Variants in TCTN1 observed in about 807,000 individuals in gnomAD.
TCTN1 encodes tectonic family member 1.
Under a neutral mutation model 65.8 loss-of-function variants are expected in TCTN1, and 58 were observed. The observed-to-expected ratio is 0.88, with a 90% CI of 0.71 to 1.10. The LOEUF is 1.10. Ranked by LOEUF, TCTN1 falls within the 50% of genes least tolerant of loss-of-function variation. The pLI, the probability that TCTN1 is intolerant of heterozygous loss-of-function variation, is 0.00. For missense variants in TCTN1, 645 were observed against 719.4 expected (o/e 0.90, Z 1.18); for synonymous variants, 273 against 289.1 (o/e 0.94, Z 0.57).
rs2067211804 is a variant in TCTN1 at position 110,645,134 on chromosome 12, A to T, written c.1494+5A>T. The stretch of plus-strand genomic sequence containing the variant: ...ACCCAGTCATTCAACAGGAAGGTAA[A>T]GGGGAGAAGGTACAGGTTCCATGCT... On this transcript the variant is annotated splice_donor_5th_base_variant and intron_variant, in intron 12 of 14. Transcript: ENST00000397659. 6.2e-7 allele frequency: 1 copy of T among 1,613,840 alleles called. No homozygotes were observed. The highest frequency in any genetic ancestry group is 8.5e-7 in the Non-Finnish European group (1 of 1,179,928).
chr12:110,646,420 T>TCAGA (rs1475523001), intron 12 of TCTN1: 2 of 151,908 alleles, frequency 1.3e-5, no homozygotes, highest in Admixed American at 6.6e-5. Flanking sequence ...TGAAAAAATG[T>TCAGA]CAGACACACA....
intron 1 of TCTN1, among the ~76,000 whole-genome samples, chr12:110,618,345 A>G (rs1473736369): frequency 6.6e-6 from 1 of 151,884 alleles, no homozygotes; most frequent in Non-Finnish European, 1.5e-5. Flanking sequence ...GGTTCACGCC[A>G]TTCTCCCGCC....
At chr12:110,615,803 C>T (rs2064997339) in intron 1 of TCTN1, among the ~76,000 whole-genome samples, 1 of 152,104 alleles carries the variant, frequency 6.6e-6, no homozygotes. Context: ...TTAAGAAGAT[C>T]TTTTCTCAAA....
At chr12:110,616,970 C>T (rs1472366935) in intron 1 of TCTN1, 1 of 152,216 alleles carries the variant, frequency 6.6e-6, no homozygotes, top group African/African-American at 2.4e-5. Flanking sequence ...GGCTCAACAG[C>T]TACTTGGTGG....
At chr12:110,624,278 C>T (rs959486694) in intron 2 of TCTN1, among the ~76,000 whole-genome samples, 1 of 151,924 alleles carries the variant, frequency 6.6e-6, no homozygotes, top group East Asian at 1.9e-4. Flanking sequence ...TGCAGTGACA[C>T]GATCATAGCT....
Position 110,614,392 on chromosome 12 carries a change from A to G in TCTN1, c.210A>G (p.Pro70=), listed in dbSNP as rs2135830156. Residue 70 remains proline, a synonymous_variant, in exon 1 of 15, where the codon CCA becomes CCG. Transcript: ENST00000397659. ...CCTCCTCCGGCCCCAGGCCTACCCC[A>G]GTCACGGACGGTGGGTACCATGTGC... ...PGPSSGPRPT[P]VTDVAVLCVC... 6.3e-7 allele frequency: 1 copy of G among 1,598,444 alleles called. No individual in the cohort carries two copies. The highest frequency in any genetic ancestry group is 1.3e-5 in the African/African-American group (1 of 74,856).
chr12:110,614,521 G>A, intron 1 of TCTN1, 119 bp downstream of exon 1: 2 of 1,524,412 alleles, frequency 1.3e-6, no homozygotes, highest in Non-Finnish European at 1.8e-6. Flanking sequence ...TGCAGACACT[G>A]CTGAGTGTTC....
chr12:110,628,824 C>G lies in TCTN1; in HGVS notation c.530C>G (p.Thr177Arg). 1 of 1,612,766 alleles carries G rather than the reference C, an allele frequency of 6.2e-7. No individual in the cohort carries two copies. Among genetic ancestry groups the G allele is most frequent in the Non-Finnish European group, 8.5e-7 (1 of 1,179,134 alleles). ...PEVPDENNFDTLMKTSDGFTL... is the reference protein window; with the variant it reads ...PEVPDENNFDRLMKTSDGFTL... ...GTACCTGATGAAAACAATTTTGATA[C>G]ATTGATGAAAACATCTGATGGTTTT... The change falls in exon 4 of 15, where the codon ACA becomes AGA. Residue 177 changes from threonine (T) to arginine (R), a missense_variant. Transcript: ENST00000397659.
rs897149419 is a variant in TCTN1 at position 110,639,779 on chromosome 12, C to T, written c.844-604C>T. Among the ~76,000 whole-genome samples the T allele has an allele frequency of 6.6e-6, 1 of 152,120 alleles. No individual in the cohort carries two copies. Among genetic ancestry groups the T allele is most frequent in the Non-Finnish European group, 1.5e-5 (1 of 68,024 alleles). ...ATCACCACTAATTCCGGAACATTTC[C>T]ATCACCCCAAAAAGGAGCCTTGTGT... On this transcript the variant is annotated intron_variant, in intron 7 of 14. Coordinates refer to ENST00000397659, the MANE Select transcript of TCTN1 (RefSeq NM_001082538.3). The surrounding 1 kb of genome is among the most constrained non-coding windows in gnomAD (Gnocchi z 4.9).
At chr12:110,622,708 G>A (rs1391770160) in intron 2 of TCTN1, among the ~76,000 whole-genome samples, 2 of 152,108 alleles carry the variant, frequency 1.3e-5, no homozygotes, top group Non-Finnish European at 2.9e-5. Context: ...GTAGGAAAGA[G>A]ATCAGGGGTC....
In TCTN1 at chr12:110,639,174, T is replaced by A. The variant is rs918989078; in HGVS notation, c.844-1209T>A. On this transcript the variant is annotated intron_variant, in intron 7 of 14. Transcript: ENST00000397659. This position sits in a 1 kb window ranked among gnomAD's most constrained non-coding sequence, Gnocchi z 4.9. ...GCAAGTTCAAAGTGGTATAAACAAC[T>A]GTTAATAGATACATGAGGCTCCTTC... is the stretch of plus-strand genomic sequence containing the variant. Among the ~76,000 whole-genome samples, 2 of 152,238 alleles carry A rather than the reference T, an allele frequency of 1.3e-5. No homozygotes were observed. The highest frequency in any genetic ancestry group is 2.9e-5 in the Non-Finnish European group (2 of 68,042).
intron 3 of TCTN1, among the ~76,000 whole-genome samples, chr12:110,627,205 C>G (rs1405087785): frequency 6.7e-6 from 1 of 149,834 alleles, no homozygotes; most frequent in African/African-American, 2.5e-5. Flanking sequence ...TCAAGTGATT[C>G]TCCTGCCTCA....
At chr12:110,630,374 A>T (rs1351567353) in intron 4 of TCTN1, 1 of 152,212 alleles carries the variant, frequency 6.6e-6, no homozygotes, top group East Asian at 1.9e-4. Context: ...TGCTGAGATC[A>T]TGGAGTAGAT....
intron 11 of TCTN1, among the ~76,000 whole-genome samples, chr12:110,642,653 T>C (rs2067034430): frequency 1.3e-5 from 2 of 152,072 alleles, no homozygotes; most frequent in South Asian, 4.1e-4. Context: ...TAGGCTGGAG[T>C]ACAGTGGTGC....
intron 3 of TCTN1, among the ~76,000 whole-genome samples, chr12:110,627,630 T>A (rs1241677066): frequency 6.6e-6 from 1 of 152,220 alleles, no homozygotes; most frequent in Non-Finnish European, 1.5e-5. Flanking sequence ...TGTGTTTTTT[T>A]AACTTTATTT....
intron 1 of TCTN1, 131 bp downstream of exon 1, chr12:110,614,533 A>G (rs2064901978): frequency 1.3e-6 from 2 of 1,504,650 alleles, no homozygotes; most frequent in Non-Finnish European, 1.8e-6. Context: ...TGAGTGTTCC[A>G]TAAACGTCCA....
intron 3 of TCTN1, among the ~76,000 whole-genome samples, chr12:110,628,377 G>C (rs1285632495): frequency 6.9e-6 from 1 of 145,830 alleles, no homozygotes; most frequent in Admixed American, 7.0e-5. Flanking sequence ...GTCTCACTGT[G>C]TCACCCAGGC....
chr12:110,637,659 C>T (rs575734399), intron 7 of TCTN1, among the ~76,000 whole-genome samples: 1 of 152,188 alleles, frequency 6.6e-6, no homozygotes, highest in East Asian at 1.9e-4. Flanking sequence ...GTCTCCTTCT[C>T]TCTCCTCTTT....
rs190390987 is a variant in TCTN1 at position 110,645,014 on chromosome 12, G to C, written c.1379G>C (p.Ser460Thr). The C allele has an allele frequency of 4.5e-4, 724 of 1,614,238 alleles. 3 individuals carry two copies. The African/African-American group carries it at 8.1e-3, about 18-fold the overall frequency. Residue 460 changes from serine to threonine, a missense_variant, in exon 12 of 15, where the codon AGC (serine) becomes ACC (threonine). Ser to Thr is a moderately conservative substitution (Grantham distance 58). Coordinates refer to ENST00000397659, the MANE Select transcript of TCTN1 (RefSeq NM_001082538.3). ...CAGCTCGTAGCACAGAAGGTGAAGAGCCTGCTGTGGGGCCAGGGCTTCCCA... is the reference window on the plus strand; with the variant it reads ...CAGCTCGTAGCACAGAAGGTGAAGACCCTGCTGTGGGGCCAGGGCTTCCCA... The part of the protein sequence containing the change: ...PCQLVAQKVK[S>T]LLWGQGFPDY...
Sources: gnomAD v4.1 joint callset for allele counts (sites outside exome capture counted in the v4.1 genomes callset) on GRCh38, gnomAD v4.1.1 for gene constraint, Gnocchi (gnomAD v3.1) non-coding constraint, MANE v1.5 for transcripts, NCBI Gene and HGNC (gene_info 2026-07-23, HGNC 2026-07-21) for gene names.